The following TNFRSF9 variants were observed in gnomAD, a reference collection of about 807,000 sequenced individuals.
The protein encoded by TNFRSF9 is tumor necrosis factor receptor superfamily member 9.
In TNFRSF9, 16 loss-of-function variants were observed where a neutral mutation model predicts 28.8. That is an observed-to-expected ratio of 0.55 (90% CI 0.38 to 0.84). TNFRSF9 has a LOEUF of 0.84. Among genes scored for constraint, TNFRSF9 ranks in the 40% least tolerant of loss-of-function variants. The probability of loss-of-function intolerance (pLI) is 0.00; values close to 1 mark genes in which losing one functional copy is unlikely to be tolerated. For missense variants in TNFRSF9, 303 were observed against 315.0 expected (o/e 0.96, Z 0.29); for synonymous variants, 131 against 117.0 (o/e 1.12, Z -0.77).
chr1:7,940,211 C>T lies in TNFRSF9; in HGVS notation c.-84-133G>A, dbSNP rs577472937. 1.1e-4 allele frequency: 41 copies of T among 384,426 alleles called. 1 individual carries two copies. In the South Asian group the frequency reaches 1.3e-3, roughly 12 times the overall value. The allele number at this position is 384,426 out of a possible 1,614,324, so 23.8% of individuals were successfully genotyped here. On this transcript the variant is annotated intron_variant, in intron 1 of 7. Coordinates refer to ENST00000377507, the MANE Select transcript of TNFRSF9 (RefSeq NM_001561.6). ...AGGAACAATTAATGATGCAATATTA[C>T]GGAAAAGTAGCAGATTCATAGAAAC...
Position 7,927,474 on chromosome 1 carries a change from G to A in TNFRSF9, c.679+5688C>T, listed in dbSNP as rs370203896. On this transcript the variant is annotated intron_variant, in intron 7 of 7. Transcript: ENST00000377507. The stretch of plus-strand genomic sequence containing the variant: ...TCTTCCAAATATACTCTTTTGTCTC[G>A]TCTTTTATTCCCGCTTTTGCCCCCC... 5.9e-4 allele frequency among the ~76,000 whole-genome samples: 90 copies of A among 152,152 alleles called. 1 individual carries two copies. The highest frequency in any genetic ancestry group is 1.0e-3 in the Non-Finnish European group (70 of 68,008).
chr1:7,936,439 A>AAGCC (rs1030396704), intron 5 of TNFRSF9: 14 of 161,368 alleles, frequency 8.7e-5, no homozygotes, highest in African/African-American at 3.4e-4. Context: ...ACAAACAAAC[A>AAGCC]AACAAAACAA....
At position 7,938,744 on chromosome 1, in the gene TNFRSF9, C is replaced by A. The variant is rs755275894; in HGVS notation, c.185G>T (p.Cys62Phe). Residue 62 changes from cysteine to phenylalanine, a missense_variant, in exon 3 of 8, where the codon TGT (cysteine) becomes TTT (phenylalanine). Cys to Phe is a radical substitution (Grantham distance 205). Coordinates refer to ENST00000377507, the MANE Select transcript of TNFRSF9 (RefSeq NM_001561.6). ...ACCTTTACACTGCCTGCATATGTCA[C>A]AGGTCCTTTGTCCACCTGCGCTGGA... ...SFSSAGGQRT[C>F]DICRQCKGVF... The A allele has an allele frequency of 2.5e-6, 4 of 1,613,148 alleles. No homozygotes were observed. Among genetic ancestry groups the A allele is most frequent in the Non-Finnish European group, 3.4e-6 (4 of 1,179,406 alleles).
rs1639535703 is a variant in TNFRSF9, at chr1:7,920,131, C to T, written c.*704G>A. ...CACGGAAACTTTAGTCGGGTACTTACTGCACCTCGTGGCTTATTGTCATAT... is the reference window on the plus strand; with the variant it reads ...CACGGAAACTTTAGTCGGGTACTTATTGCACCTCGTGGCTTATTGTCATAT... On this transcript the variant is annotated 3_prime_UTR_variant, in exon 8 of 8. Coordinates refer to ENST00000377507, the MANE Select transcript of TNFRSF9 (RefSeq NM_001561.6). The T allele has an allele frequency of 6.6e-6, 1 of 152,246 alleles. No individual in the cohort carries two copies. Among genetic ancestry groups the T allele is most frequent in the South Asian group, 2.1e-4 (1 of 4,834 alleles). The allele number at this position is 152,246 out of a possible 1,614,324, so 9.4% of individuals were successfully genotyped here.
chr1:7,933,066 A>C, intron 7 of TNFRSF9, 96 bp downstream of exon 7: 1 of 1,432,146 alleles, frequency 7.0e-7, no homozygotes, highest in Non-Finnish European at 9.4e-7. Context: ...GGCTATATGA[A>C]CCTCATTTCT....
intron 5 of TNFRSF9, among the ~76,000 whole-genome samples, chr1:7,937,438 C>T (rs1432832051): frequency 3.9e-5 from 6 of 152,252 alleles, no homozygotes; most frequent in African/African-American, 1.2e-4. Flanking sequence ...GGATTACAGG[C>T]GTGAACCACT....
At chr1:7,930,880 G>T (rs934448651) in intron 7 of TNFRSF9, among the ~76,000 whole-genome samples, 3 of 152,166 alleles carry the variant, frequency 2.0e-5, no homozygotes, top group African/African-American at 4.8e-5. Context: ...AATAGGAAAA[G>T]ATATTTGCAG....
chr1:7,937,900 G>T, intron 4 of TNFRSF9, 144 bp from the exon 5 acceptor site: 1 of 712,818 alleles, frequency 1.4e-6, no homozygotes, highest in Non-Finnish European at 2.3e-6. Flanking sequence ...ACCCTAAGAT[G>T]GCTAGTTTTT....
intron 7 of TNFRSF9, among the ~76,000 whole-genome samples, chr1:7,930,033 G>C (rs9658004): frequency 0.048 from 6,695 of 138,292 alleles, 543 homozygotes; most frequent in African/African-American, 0.17. Context: ...GCAATGGCAC[G>C]ATCTCAGTTC....
At chr1:7,932,860 A>C (rs1286077310) in intron 7 of TNFRSF9, among the ~76,000 whole-genome samples, 1 of 152,116 alleles carries the variant, frequency 6.6e-6, no homozygotes, top group East Asian at 1.9e-4. Context: ...AGCACTATTG[A>C]CATTTGGGGC....
intron 7 of TNFRSF9, among the ~76,000 whole-genome samples, chr1:7,931,256 G>A (rs765582450): frequency 2.0e-5 from 3 of 152,182 alleles, no homozygotes; most frequent in Non-Finnish European, 2.9e-5. Context: ...GCTCAGCAAC[G>A]TTATTTCTAG....
rs2151409962 is a variant in TNFRSF9, at chr1:7,920,656, A to T, written c.*179T>A. On this transcript the variant is annotated 3_prime_UTR_variant, in exon 8 of 8. Coordinates refer to ENST00000377507, the MANE Select transcript of TNFRSF9 (RefSeq NM_001561.6). The stretch of plus-strand genomic sequence containing the variant: ...ACAGAGTGAGACCCTGTCAAAAAAA[A>T]AAAAAAAGTGGTGCATTTTTAAAGG... 1.8e-6 allele frequency: 1 copy of T among 569,908 alleles called. No individual in the cohort carries two copies. Among genetic ancestry groups the T allele is most frequent in the East Asian group, 3.1e-5 (1 of 32,540 alleles). The allele number at this position is 569,908 out of a possible 1,614,324, so 35.3% of individuals were successfully genotyped here.
chr1:7,930,248 G>A (rs1639714257), intron 7 of TNFRSF9, among the ~76,000 whole-genome samples: 3 of 152,100 alleles, frequency 2.0e-5, no homozygotes, highest in South Asian at 2.1e-4. Context: ...GATTACAGGC[G>A]TGAGCCACAG....
Position 7,917,044 on chromosome 1 carries a change from C to T in TNFRSF9, c.*3791G>A, listed in dbSNP as rs1639489762. 1.3e-5 allele frequency: 2 copies of T among 152,232 alleles called. No homozygotes were observed. Among genetic ancestry groups the T allele is most frequent in the South Asian group, 2.1e-4 (1 of 4,838 alleles). The allele number at this position is 152,232 out of a possible 1,614,324, so 9.4% of individuals were successfully genotyped here. A position where few individuals can be genotyped will look rare whatever the true frequency, so the allele number is the denominator to read the frequency against. On this transcript the variant is annotated 3_prime_UTR_variant, in exon 8 of 8. Coordinates refer to ENST00000377507, the MANE Select transcript of TNFRSF9 (RefSeq NM_001561.6). ...CCCCGGGTTCAAGCAATTCTCCGGC[C>T]TCAGCCTCCCAAATAGCTGGGATTA...
At chr1:7,922,566 C>T (rs1355370413) in intron 7 of TNFRSF9, among the ~76,000 whole-genome samples, 3 of 152,192 alleles carry the variant, frequency 2.0e-5, no homozygotes, top group East Asian at 3.9e-4. Context: ...AATCCCAGCA[C>T]TTTGGGAAGC....
chr1:7,933,247 C>A lies in TNFRSF9; in HGVS notation c.594G>T (p.Ala198=), dbSNP rs143532137. 1 of 1,613,896 alleles carries A rather than the reference C, an allele frequency of 6.2e-7. No homozygotes were observed. Among genetic ancestry groups the A allele is most frequent in the Admixed American group, 1.7e-5 (1 of 60,002 alleles). Residue 198 remains alanine (A), a synonymous_variant, in exon 7 of 8, where the codon GCG becomes GCT. Transcript: ENST00000377507. ...TGAGGAAGAACAGCAGGAAGAGCAA[C>A]GCAGTCGACGTCAGCGCAAGAAAGA... ...ISFFLALTST[A]LLFLLFFLTL... is the part of the protein sequence containing the mutation.
In TNFRSF9 at chr1:7,919,044, T is replaced by G. The variant is rs185952376; in HGVS notation, c.*1791A>C. 6 of 152,330 alleles carry G rather than the reference T, an allele frequency of 3.9e-5. No individual in the cohort carries two copies. The highest frequency in any genetic ancestry group is 2.0e-4 in the Admixed American group (3 of 15,276). 9.4% of individuals were successfully genotyped at this position (152,330 alleles called of 1,614,324 possible). On this transcript the variant is annotated 3_prime_UTR_variant, in exon 8 of 8. Transcript: ENST00000377507. Reference sequence around the variant, plus strand: ...TTGATGCCTGGCTTGGCTGCAGGATTTGCTCTAAAGGTTATAGTAGAACCA... The same window carrying G: ...TTGATGCCTGGCTTGGCTGCAGGATGTGCTCTAAAGGTTATAGTAGAACCA...
At position 7,937,617 on chromosome 1, in the gene TNFRSF9, G is replaced by A. The variant is rs574176980; in HGVS notation, c.413+73C>T. 30 of 1,259,642 alleles carry A rather than the reference G, an allele frequency of 2.4e-5. No individual in the cohort carries two copies. The South Asian group carries it at 3.6e-4, about 15-fold the overall frequency. The allele number at this position is 1,259,642 out of a possible 1,614,324, so 78.0% of individuals were successfully genotyped here. A position where few individuals can be genotyped will look rare whatever the true frequency, so the allele number is the denominator to read the frequency against. On this transcript the variant is annotated intron_variant, in intron 5 of 7. Coordinates refer to ENST00000377507, the MANE Select transcript of TNFRSF9 (RefSeq NM_001561.6). The stretch of plus-strand genomic sequence containing the variant: ...TTGATGGGTGCAAAAAAGCTTCAAT[G>A]ATAGCATTCCTTATCTTCCAAAAAA...
At chr1:7,935,165 A>T (rs377558336) in intron 5 of TNFRSF9, 22 bp from the exon 6 acceptor site, 130 of 1,606,504 alleles carry the variant, frequency 8.1e-5, no homozygotes, top group Middle Eastern at 3.3e-4. Context: ...CAATGAAAAT[A>T]ATTTAAATAA....
Sources: gnomAD v4.1 joint callset for allele counts (sites outside exome capture counted in the v4.1 genomes callset) on GRCh38, gnomAD v4.1.1 for gene constraint, MANE v1.5 for transcripts, NCBI Gene and HGNC (gene_info 2026-07-23, HGNC 2026-07-21) for gene names.